Variants in BPIFB1 observed in about 807,000 individuals in gnomAD.
The protein encoded by BPIFB1 is BPI fold containing family B member 1.
BPIFB1 carries 34 observed loss-of-function variants against 55.1 expected under a neutral mutation model. That is an observed-to-expected ratio of 0.62 (90% CI 0.47 to 0.82). The LOEUF is 0.82. Among genes scored for constraint, BPIFB1 ranks in the 40% least tolerant of loss-of-function variants. The pLI is 0.00. For synonymous variants in BPIFB1, 236 were observed against 245.3 expected (o/e 0.96, Z 0.35); for missense variants, 532 against 593.1 (o/e 0.90, Z 1.07).
chr20:33,291,626 C>T (rs888551518), intron 5 of BPIFB1, among the ~76,000 whole-genome samples: 1 of 152,232 alleles, frequency 6.6e-6, no homozygotes, highest in Admixed American at 6.5e-5. Flanking sequence ...TGGCGCCCCC[C>T]CTTCCCTTCT....
At position 33,309,565 on chromosome 20, in the gene BPIFB1, C is replaced by A. The variant is rs751847220; in HGVS notation, c.1396-143C>A. 1.5e-5 allele frequency: 11 copies of A among 721,444 alleles called. No individual in the cohort carries two copies. The highest frequency in any genetic ancestry group is 2.4e-5 in the Admixed American group (1 of 41,622). The allele number at this position is 721,444 out of a possible 1,614,324, so 44.7% of individuals were successfully genotyped here. A position where few individuals can be genotyped will look rare whatever the true frequency, so the allele number is the denominator to read the frequency against. ...TTCACACACAGACCCTCCACCCCGA[C>A]CCTTCTAAGAATTCTGTATTTGTGG... On this transcript the variant is annotated intron_variant, in intron 15 of 15. Transcript: ENST00000253354. This position sits in a 1 kb window ranked among gnomAD's most constrained non-coding sequence, Gnocchi z 4.4.
Position 33,289,021 on chromosome 20 carries a change from G to A in BPIFB1, c.257+139G>A, listed in dbSNP as rs543515105. On this transcript the variant is annotated intron_variant, in intron 3 of 15. Coordinates refer to ENST00000253354, the MANE Select transcript of BPIFB1 (RefSeq NM_033197.3). ...AGAGTGGATCAAACAAAGCCCCTCC[G>A]TCAAGAAGCTCCCAGAATAGTTAAC... is the stretch of plus-strand genomic sequence containing the variant. 376 of 1,003,898 alleles carry A rather than the reference G, an allele frequency of 3.7e-4. 3 individuals are homozygous for A. In the South Asian group the frequency reaches 5.0e-3, roughly 13 times the overall value. The allele number at this position is 1,003,898 out of a possible 1,614,324, so 62.2% of individuals were successfully genotyped here.
Position 33,289,931 on chromosome 20 carries a change from T to C in BPIFB1, c.304T>C (p.Ser102Pro). 4 of 1,614,170 alleles carry C rather than the reference T, an allele frequency of 2.5e-6. No homozygotes were observed. The highest frequency in any genetic ancestry group is 1.1e-5 in the South Asian group (1 of 91,074). Reference protein sequence around the residue: ...ANILQLQVKPSANDQELLVKI... With the variant: ...ANILQLQVKPPANDQELLVKI... The stretch of plus-strand genomic sequence containing the variant: ...CATCCTCCAGCTGCAGGTGAAGCCC[T>C]CGGCCAATGACCAGGAGCTGCTAGT... Residue 102 changes from serine to proline, a missense_variant, in exon 4 of 16, where the codon TCG becomes CCG. Ser to Pro is a moderately conservative substitution (Grantham distance 74). Coordinates refer to ENST00000253354, the MANE Select transcript of BPIFB1 (RefSeq NM_033197.3).
Position 33,288,723 on chromosome 20 carries a change from C to T in BPIFB1, c.116-18C>T. ...TTGCCCCTCCTCCTGGGCCCTAATC[C>T]CTGGGGTCTGCCTCCAGAGCTGACA... On this transcript the variant is annotated intron_variant, in intron 2 of 15. Transcript: ENST00000253354. The T allele has an allele frequency of 6.2e-7, 1 of 1,611,870 alleles. No homozygotes were observed. Among genetic ancestry groups the T allele is most frequent in the Non-Finnish European group, 8.5e-7 (1 of 1,179,116 alleles).
intron 1 of BPIFB1, among the ~76,000 whole-genome samples, chr20:33,283,705 G>A (rs1350611445): frequency 6.6e-6 from 1 of 152,138 alleles, no homozygotes; most frequent in Non-Finnish European, 1.5e-5. Flanking sequence ...TTGCAAAGCC[G>A]AGTAGAAGGC....
intron 13 of BPIFB1, among the ~76,000 whole-genome samples, 187 bp downstream of exon 13, chr20:33,305,078 C>T (rs563897843): frequency 6.6e-6 from 1 of 152,162 alleles, no homozygotes; most frequent in Non-Finnish European, 1.5e-5. Context: ...GTGTCAGACA[C>T]AGCTGAGAAC....
Position 33,290,603 on chromosome 20 carries a change from C to T in BPIFB1, c.366-354C>T, listed in dbSNP as rs748028327. Among the ~76,000 whole-genome samples the T allele has an allele frequency of 6.3e-4, 96 of 152,244 alleles. 2 individuals carry two copies. Among genetic ancestry groups the T allele is most frequent in the Middle Eastern group, 6.8e-3 (2 of 294 alleles). On this transcript the variant is annotated intron_variant, in intron 4 of 15. Transcript: ENST00000253354. ...GATGACTCCAAGAGTTCTGCCTGCA[C>T]CACTGGCAGGATGGAGTGGTCAGTA...
Position 33,289,983 on chromosome 20 carries a change from G to A in BPIFB1, c.356G>A (p.Gly119Glu). ...LVKIPLDMVA[G>E]FNTPLVKTIV... is the part of the protein sequence containing the mutation. ...AAGATCCCCCTGGACATGGTGGCTG[G>A]ATTCAACACGTGAGTGACCCCTCCA... Residue 119 changes from glycine (G) to glutamate (E), a missense_variant, in exon 4 of 16, where the codon GGA (glycine) becomes GAA (glutamate). Coordinates refer to ENST00000253354, the MANE Select transcript of BPIFB1 (RefSeq NM_033197.3). 1.2e-6 allele frequency: 2 copies of A among 1,614,004 alleles called. No homozygotes were observed. Among genetic ancestry groups the A allele is most frequent in the Non-Finnish European group, 1.7e-6 (2 of 1,179,846 alleles).
Position 33,288,747 on chromosome 20 carries a change from C to G in BPIFB1, c.122C>G (p.Thr41Arg). 1 of 1,613,740 alleles carries G rather than the reference C, an allele frequency of 6.2e-7. No homozygotes were observed. The highest frequency in any genetic ancestry group is 8.5e-7 in the Non-Finnish European group (1 of 1,179,928). The part of the protein sequence containing the change: ...LGPKVIKEKL[T>R]QELKDHNATS... ...CCCTGGGGTCTGCCTCCAGAGCTGA[C>G]ACAGGAGCTGAAGGACCACAACGCC... The change falls in exon 3 of 16, where the codon ACA becomes AGA. Residue 41 changes from threonine to arginine, a missense_variant. By Grantham distance (71) the Thr-to-Arg change is moderately conservative (BLOSUM62 -1). Transcript: ENST00000253354.
chr20:33,295,781 AGAAG>A (rs369446349), intron 6 of BPIFB1, among the ~76,000 whole-genome samples: 1,684 of 144,420 alleles, frequency 0.012, 50 homozygotes, highest in African/African-American at 0.042. Flanking sequence ...AAGGAAGGAA[AGAAG>A]GAAGGAAGGA....
rs1174378301 is a variant in BPIFB1, at chr20:33,302,956, T to C, written c.1022T>C (p.Leu341Pro). ...KLGSTQIVKILTQDTPEFFID... is the reference protein window; with the variant it reads ...KLGSTQIVKIPTQDTPEFFID... The stretch of plus-strand genomic sequence containing the variant: ...GGATCTACCCAGATCGTGAAGATCC[T>C]AACTCAGGACACTCCCGAGTTTTTT... Residue 341 changes from leucine (L) to proline (P), a missense_variant, in exon 11 of 16, where the codon CTA (leucine) becomes CCA (proline). Physicochemically the swap from Leu to Pro is moderately conservative, Grantham distance 98. Transcript: ENST00000253354. 1 of 1,614,044 alleles carries C rather than the reference T, an allele frequency of 6.2e-7. No homozygotes were observed. The highest frequency in any genetic ancestry group is 8.5e-7 in the Non-Finnish European group (1 of 1,180,020).
chr20:33,302,741 G>A (rs965843062), intron 10 of BPIFB1, 175 bp from the exon 11 acceptor site: 5 of 740,286 alleles, frequency 6.8e-6, no homozygotes, highest in African/African-American at 1.8e-5. Context: ...GAGACCAAAG[G>A]CTGCCAGGTA....
At chr20:33,304,400 TGGAGCCTCTGGGGACAAGTCAGGCCCAG>T (rs1980951961) in intron 12 of BPIFB1, among the ~76,000 whole-genome samples, 1 of 152,214 alleles carries the variant, frequency 6.6e-6, no homozygotes, top group African/African-American at 2.4e-5. Flanking sequence ...GGCTGCCAGC[TGGAGCCTCTGGGGACAAGTCAGGCCCAG>T]GGCTCTTTTG....
intron 13 of BPIFB1, 59 bp downstream of exon 13, chr20:33,304,950 C>A: frequency 1.9e-6 from 3 of 1,571,634 alleles, no homozygotes; most frequent in South Asian, 2.2e-5. Context: ...GGTCCACTCT[C>A]AAAACAGATA....
chr20:33,302,272 G>T, intron 9 of BPIFB1, 87 bp from the exon 10 acceptor site: 6 of 1,440,556 alleles, frequency 4.2e-6, no homozygotes, highest in South Asian at 1.1e-5. Flanking sequence ...CTGGGGTCCT[G>T]GGAAACCTTC....
intron 2 of BPIFB1, 31 bp downstream of exon 2, chr20:33,286,219 A>G (rs1980262620): frequency 6.3e-7 from 1 of 1,597,022 alleles, no homozygotes; most frequent in Non-Finnish European, 8.6e-7. Flanking sequence ...GCTGGCTGCC[A>G]TAAGACAAGG....
chr20:33,288,651 C>G, intron 2 of BPIFB1, 90 bp from the exon 3 acceptor site: 1 of 1,499,010 alleles, frequency 6.7e-7, no homozygotes, highest in Non-Finnish European at 9.1e-7. Flanking sequence ...CAGGGAGCCT[C>G]GAGTGATACC....
At chr20:33,290,421 G>A (rs991059107) in intron 4 of BPIFB1, among the ~76,000 whole-genome samples, 1 of 152,198 alleles carries the variant, frequency 6.6e-6, no homozygotes, top group Non-Finnish European at 1.5e-5. Context: ...CAACAATTCA[G>A]GAGGAGATAA....
At chr20:33,306,112 T>G (rs1314631218) in intron 14 of BPIFB1, 47 bp downstream of exon 14, 2 of 1,601,022 alleles carry the variant, frequency 1.2e-6, no homozygotes, top group Non-Finnish European at 8.6e-7. Flanking sequence ...AGGGCTTGGC[T>G]TTACTTCCCC....
Sources: allele counts gnomAD v4.1 joint callset (sites outside exome capture counted in the v4.1 genomes callset), GRCh38; gene constraint gnomAD v4.1.1; non-coding constraint Gnocchi (gnomAD v3.1); transcripts MANE v1.5; gene names NCBI Gene and HGNC (gene_info 2026-07-23, HGNC 2026-07-21).